Variants in TNS3 observed in about 807,000 individuals in gnomAD.
The protein encoded by TNS3 is tensin-3.
Under a neutral mutation model 140.9 loss-of-function variants are expected in TNS3, and 45 were observed. That is an observed-to-expected ratio of 0.32 (90% CI 0.25 to 0.41). The LOEUF is 0.41. TNS3 is among the 10% of genes least tolerant of loss of function. The pLI is 1.00. For synonymous variants in TNS3, 815 were observed against 788.4 expected, an observed-to-expected ratio of 1.03 and a Z score of -0.56; for missense variants, 1,716 against 1,906.7, an observed-to-expected ratio of 0.90 and a Z score of 1.86.
chr7:47,433,907 CT>C (rs1253240383), intron 8 of TNS3, among the ~76,000 whole-genome samples: 7 of 151,792 alleles, frequency 4.6e-5, no homozygotes, highest in African/African-American at 1.7e-4. Flanking sequence ...CTCTCTCTCT[CT>C]CTCTCTCTCT....
At chr7:47,352,120 C>A (rs1209625832) in intron 17 of TNS3, among the ~76,000 whole-genome samples, 4 of 149,256 alleles carry the variant, frequency 2.7e-5, no homozygotes, top group African/African-American at 9.8e-5. Flanking sequence ...CTCTTAGTCT[C>A]TCACACACTC....
chr7:47,348,280 T>G (rs1484010478), intron 17 of TNS3, among the ~76,000 whole-genome samples: 5 of 152,222 alleles, frequency 3.3e-5, no homozygotes, highest in Admixed American at 6.5e-5. Context: ...GACAAGTGAC[T>G]GAGAGCCTGG....
At chr7:47,349,319 A>T (rs1195967808) in intron 17 of TNS3, among the ~76,000 whole-genome samples, 1 of 152,258 alleles carries the variant, frequency 6.6e-6, no homozygotes, top group African/African-American at 2.4e-5. Context: ...GCTTGTGCTC[A>T]AATCTGTGTG....
intron 4 of TNS3, among the ~76,000 whole-genome samples, chr7:47,449,998 A>T (rs1795941702): frequency 6.6e-6 from 1 of 152,020 alleles, no homozygotes; most frequent in African/African-American, 2.4e-5. Context: ...ATGCGGATCC[A>T]GCAGAGGCAC....
At chr7:47,400,764 G>T (rs1207953485) in intron 14 of TNS3, 21 bp downstream of exon 14, 3 of 1,612,512 alleles carry the variant, frequency 1.9e-6, no homozygotes, top group Admixed American at 1.7e-5. Context: ...CAAGCACAGG[G>T]CCGCCAGCTC....
intron 12 of TNS3, among the ~76,000 whole-genome samples, chr7:47,413,663 TC>T (rs1361960479): frequency 6.6e-6 from 1 of 151,746 alleles, no homozygotes; most frequent in Non-Finnish European, 1.5e-5. Context: ...TGGCCCACTC[TC>T]CCCTCAAAAT....
chr7:47,565,988 C>T (rs1800420562), intron 1 of TNS3, among the ~76,000 whole-genome samples: 1 of 150,776 alleles, frequency 6.6e-6, no homozygotes, highest in Non-Finnish European at 1.5e-5. Context: ...ACTTTAAAGA[C>T]ATCTCAATTA....
intron 16 of TNS3, among the ~76,000 whole-genome samples, chr7:47,395,069 G>C (rs867462914): frequency 6.6e-6 from 1 of 152,202 alleles, no homozygotes; most frequent in African/African-American, 2.4e-5. Flanking sequence ...TAGAACCCCT[G>C]CCTCCCTCAT....
In TNS3 at chr7:47,277,879, A is replaced by C; in HGVS notation, c.*197T>G. 1 of 707,672 alleles carries C rather than the reference A, an allele frequency of 1.4e-6. No homozygotes were observed. The highest frequency in any genetic ancestry group is 1.6e-5 in the South Asian group (1 of 63,446). The allele number at this position is 707,672 out of a possible 1,614,324, so 43.8% of individuals were successfully genotyped here. ...TGTGGCTACAGAGATGTGTCAGATAAGTCACTTTCAGGAAAGGCCAATTCA... is the reference window on the plus strand; with the variant it reads ...TGTGGCTACAGAGATGTGTCAGATACGTCACTTTCAGGAAAGGCCAATTCA... On this transcript the variant is annotated 3_prime_UTR_variant, in exon 31 of 31. Transcript: ENST00000311160.
chr7:47,442,009 G>A lies in TNS3; in HGVS notation c.-29C>T, dbSNP rs1189313875. 7.8e-7 allele frequency: 1 copy of A among 1,290,208 alleles called. No individual in the cohort carries two copies. The highest frequency in any genetic ancestry group is 1.0e-6 in the Non-Finnish European group (1 of 988,928). The allele number at this position is 1,290,208 out of a possible 1,614,324, so 79.9% of individuals were successfully genotyped here. A position where few individuals can be genotyped will look rare whatever the true frequency, so the allele number is the denominator to read the frequency against. ...GACCCACACAGACACTCACCGCAGA[G>A]GTTTATCACGGCAGAGAGAACTGGA... On this transcript the variant is annotated 5_prime_UTR_variant, in exon 5 of 31. Coordinates refer to ENST00000311160, the MANE Select transcript of TNS3 (RefSeq NM_022748.12).
At chr7:47,461,057 A>G (rs1796470099) in intron 4 of TNS3, among the ~76,000 whole-genome samples, 1 of 152,210 alleles carries the variant, frequency 6.6e-6, no homozygotes, top group East Asian at 1.9e-4. Flanking sequence ...TCTCACTGAC[A>G]ATGCTGGAGT....
intron 10 of TNS3, among the ~76,000 whole-genome samples, chr7:47,420,316 A>C (rs1794307000): frequency 6.6e-6 from 1 of 152,156 alleles, no homozygotes; most frequent in African/African-American, 2.4e-5. Context: ...GCCTCTCTGA[A>C]AGTGATACAC....
rs1246279347 is a variant in TNS3 at position 47,368,528 on chromosome 7, G to A, written c.2118C>T (p.Ile706=). 3.1e-6 allele frequency: 5 copies of A among 1,588,532 alleles called. No individual in the cohort carries two copies. Among genetic ancestry groups the A allele is most frequent in the Middle Eastern group, 3.3e-4 (2 of 5,998 alleles). ...DQSIEQLNRL[I]LELDPTFEPI... ...GCTCGAAGGTGGGATCCAGCTCCAG[G>A]ATCAGCCTGTTGAGCTGCTCGATGG... The change falls in exon 17 of 31, where the codon ATC becomes ATT. Residue 706 remains isoleucine (I), a synonymous_variant. Transcript: ENST00000311160.
At chr7:47,513,084 T>C (rs922827631) in intron 2 of TNS3, among the ~76,000 whole-genome samples, 2 of 152,174 alleles carry the variant, frequency 1.3e-5, no homozygotes, top group Non-Finnish European at 2.9e-5. Context: ...CTGCCTAATA[T>C]CACAGATAAG....
intron 4 of TNS3, among the ~76,000 whole-genome samples, chr7:47,467,829 T>C (rs1027523853): frequency 3.3e-5 from 5 of 152,140 alleles, no homozygotes; most frequent in African/African-American, 1.2e-4. Context: ...AGACCCTGGC[T>C]CCTGGACCAA....
chr7:47,570,825 CT>C (rs3214808), intron 1 of TNS3, among the ~76,000 whole-genome samples: 57 of 147,220 alleles, frequency 3.9e-4, no homozygotes, highest in Non-Finnish European at 2.9e-4. Context: ...TTTTTTCTTT[CT>C]TTTTTTTTTT....
chr7:47,346,093 G>A, intron 18 of TNS3, 94 bp downstream of exon 18: 1 of 1,505,246 alleles, frequency 6.6e-7, no homozygotes, highest in Non-Finnish European at 9.0e-7. Flanking sequence ...TGTATTCAGG[G>A]ACAAGGCCTG....
chr7:47,476,516 T>C (rs1366964745), intron 4 of TNS3, among the ~76,000 whole-genome samples: 3 of 152,170 alleles, frequency 2.0e-5, no homozygotes, highest in South Asian at 2.1e-4. Context: ...AGAACGGTAA[T>C]GTAAGCAGAA....
At chr7:47,453,736 A>C (rs993396068) in intron 4 of TNS3, among the ~76,000 whole-genome samples, 8 of 152,264 alleles carry the variant, frequency 5.3e-5, no homozygotes, top group African/African-American at 1.9e-4. Flanking sequence ...GTTCTGAGTT[A>C]CAAAACGGGA....
Sources: allele counts gnomAD v4.1 joint callset (sites outside exome capture counted in the v4.1 genomes callset), GRCh38; gene constraint gnomAD v4.1.1; transcripts MANE v1.5; gene names NCBI Gene and HGNC (gene_info 2026-07-23, HGNC 2026-07-21).